Variants in NSD1 observed in about 807,000 individuals in gnomAD.
NSD1 encodes nuclear receptor binding SET domain protein 1.
Under a neutral mutation model 242.7 loss-of-function variants are expected in NSD1, and 26 were observed. The observed-to-expected ratio is 0.11, with a 90% CI of 0.08 to 0.15. The LOEUF (loss-of-function observed/expected upper bound fraction) is 0.15, where lower values mean the gene tolerates loss of function less well. Among genes scored for constraint, NSD1 ranks in the 10% least tolerant of loss-of-function variants. The pLI, the probability that NSD1 is intolerant of heterozygous loss-of-function variation, is 1.00. For missense variants in NSD1, 2,495 were observed against 3,272.8 expected, an observed-to-expected ratio of 0.76 and a Z score of 5.80; for synonymous variants, 1,106 against 1,178.1, an observed-to-expected ratio of 0.94 and a Z score of 1.25.
At chr5:177,197,350 C>A (rs557048844) in intron 3 of NSD1, among the ~76,000 whole-genome samples, 1 of 151,610 alleles carries the variant, frequency 6.6e-6, no homozygotes, top group South Asian at 2.1e-4. Flanking sequence ...AGGGCGGGTG[C>A]AGTGGCTCAC....
intron 18 of NSD1, 62 bp from the exon 19 acceptor site, chr5:177,282,403 G>T (rs1401532193): frequency 1.0e-6 from 1 of 1,003,268 alleles, no homozygotes; most frequent in Non-Finnish European, 1.6e-6. Context: ...TTAAAAAAAT[G>T]TATACATTTG....
At chr5:177,164,186 A>T (rs1758987561) in intron 2 of NSD1, among the ~76,000 whole-genome samples, 1 of 135,222 alleles carries the variant, frequency 7.4e-6, no homozygotes, top group South Asian at 2.3e-4. Flanking sequence ...GATGGAGTCT[A>T]GCTCTGTTGC....
intron 2 of NSD1, among the ~76,000 whole-genome samples, chr5:177,189,846 A>G (rs1430833305): frequency 6.6e-6 from 1 of 152,234 alleles, no homozygotes; most frequent in Non-Finnish European, 1.5e-5. Context: ...AGTTTTCAGT[A>G]CAGATAAAAT....
chr5:177,289,982 C>T (rs1308313711), intron 21 of NSD1, among the ~76,000 whole-genome samples: 3 of 151,620 alleles, frequency 2.0e-5, no homozygotes, highest in Non-Finnish European at 4.4e-5. Flanking sequence ...CGCCCGCCAC[C>T]ATGCCCGGCT....
chr5:177,204,326 A>G, intron 4 of NSD1, 34 bp downstream of exon 4: 1 of 1,588,428 alleles, frequency 6.3e-7, no homozygotes, highest in Non-Finnish European at 8.6e-7. Flanking sequence ...ATTGAGTGAC[A>G]GAAGCAAGTA....
intron 5 of NSD1, among the ~76,000 whole-genome samples, chr5:177,216,194 A>G (rs1370214047): frequency 6.6e-6 from 1 of 152,200 alleles, no homozygotes; most frequent in Non-Finnish European, 1.5e-5. Context: ...GTTATTTTTA[A>G]AAAATGAGGT....
chr5:177,136,604 C>T (rs1379549604), intron 2 of NSD1, among the ~76,000 whole-genome samples: 3 of 150,164 alleles, frequency 2.0e-5, no homozygotes, highest in East Asian at 3.9e-4. Context: ...CCACCATTAG[C>T]TCTTTTTTTT....
intron 8 of NSD1, among the ~76,000 whole-genome samples, chr5:177,240,484 C>T (rs1016058134): frequency 2.0e-5 from 3 of 151,922 alleles, no homozygotes; most frequent in Admixed American, 6.6e-5. Flanking sequence ...GAGGCTGAGG[C>T]GGGCGGATCA....
Position 177,222,319 on chromosome 5 carries a change from G to T in NSD1, c.3796+10124G>T, listed in dbSNP as rs115392765. 4.3e-3 allele frequency among the ~76,000 whole-genome samples: 648 copies of T among 152,246 alleles called. 3 individuals carry two copies. Among genetic ancestry groups the T allele is most frequent in the African/African-American group, 0.014 (593 of 41,544 alleles). ...AATTTTTGTGTTCTTAGTAGAGGCA[G>T]AGTTTCACCATGTTGACCAGTTTTT... On this transcript the variant is annotated intron_variant, in intron 5 of 22. Transcript: ENST00000439151.
At chr5:177,217,501 A>G (rs1180639964) in intron 5 of NSD1, among the ~76,000 whole-genome samples, 5 of 152,110 alleles carry the variant, frequency 3.3e-5, no homozygotes, top group African/African-American at 1.2e-4. Context: ...AATGTGTTGA[A>G]TAGGTTGCTA....
intron 11 of NSD1, among the ~76,000 whole-genome samples, chr5:177,250,534 C>T (rs376641611): frequency 6.7e-6 from 1 of 149,494 alleles, no homozygotes; most frequent in Non-Finnish European, 1.5e-5. Context: ...TTGTAATTAA[C>T]GTTTTCCTAT....
intron 2 of NSD1, among the ~76,000 whole-genome samples, chr5:177,174,987 T>G (rs1760067965): frequency 6.8e-6 from 1 of 148,048 alleles, no homozygotes; most frequent in Non-Finnish European, 1.5e-5. Context: ...TTCTCCTGCC[T>G]CAGCCTCCCG....
At position 177,152,245 on chromosome 5, in the gene NSD1, G is replaced by T. The variant is rs996953113; in HGVS notation, c.927+16215G>T. Among the ~76,000 whole-genome samples, 5 of 150,920 alleles carry T rather than the reference G, an allele frequency of 3.3e-5. 1 individual carries two copies. The highest frequency in any genetic ancestry group is 1.2e-4 in the African/African-American group (5 of 41,022). The stretch of plus-strand genomic sequence containing the variant: ...AGTCTTTAATTCTTGGGTTCAAGTG[G>T]TCCTCCTGCCTCGGCCTCCCAAAGT... On this transcript the variant is annotated intron_variant, in intron 2 of 22. Transcript: ENST00000439151.
intron 4 of NSD1, among the ~76,000 whole-genome samples, chr5:177,205,822 TTTA>T (rs928388896): frequency 2.6e-5 from 4 of 152,004 alleles, no homozygotes; most frequent in Admixed American, 2.6e-4. Context: ...AATACTTTTA[TTTA>T]TTATTATTAT....
At chr5:177,229,684 G>T in intron 5 of NSD1, 1 of 357,340 alleles carries the variant, frequency 2.8e-6, no homozygotes, top group Non-Finnish European at 5.4e-6. Flanking sequence ...GGGAGTTGGG[G>T]TAGTTGAGGC....
Position 177,246,748 on chromosome 5 carries a change from TAAA to T in NSD1, c.4453_4455del (p.Lys1485del). 2 of 1,614,106 alleles carry T rather than the reference TAAA, an allele frequency of 1.2e-6. No individual in the cohort carries two copies. The highest frequency in any genetic ancestry group is 8.5e-7 in the Non-Finnish European group (1 of 1,179,968). The stretch of plus-strand genomic sequence containing the variant: ...GGCATGCTGCAGCCAAGATGCAGTG[TAAA>T]AAAGTGAAAAATGATGACTCGTCAA... On this transcript the variant is annotated inframe_deletion, in exon 10 of 23. Transcript: ENST00000439151.
At chr5:177,261,515 C>T (rs1757001479) in intron 14 of NSD1, among the ~76,000 whole-genome samples, 3 of 152,116 alleles carry the variant, frequency 2.0e-5, no homozygotes, top group Admixed American at 2.0e-4. Context: ...CACTCATCAC[C>T]AGTATGTTAA....
chr5:177,151,728 G>C (rs868215741), intron 2 of NSD1, among the ~76,000 whole-genome samples: 3 of 149,652 alleles, frequency 2.0e-5, no homozygotes, highest in African/African-American at 2.5e-5. Context: ...GTCTCACTCT[G>C]TTGGCTAGGC....
At chr5:177,230,701 C>G (rs1030522929) in intron 5 of NSD1, among the ~76,000 whole-genome samples, 21 of 151,824 alleles carry the variant, frequency 1.4e-4, no homozygotes, top group Non-Finnish European at 1.9e-4. Flanking sequence ...GTGGCTTGTG[C>G]CTGTAGTCCC....
Sources: allele counts gnomAD v4.1 joint callset (sites outside exome capture counted in the v4.1 genomes callset), GRCh38; gene constraint gnomAD v4.1.1; transcripts MANE v1.5; gene names NCBI Gene and HGNC (gene_info 2026-07-23, HGNC 2026-07-21).